The following WDR41 variants were observed in gnomAD, a reference collection of about 807,000 sequenced individuals.
WDR41 encodes the protein WD repeat domain 41.
In WDR41, 63 loss-of-function variants were observed where a neutral mutation model predicts 69.3. The observed-to-expected ratio is 0.91, with a 90% confidence interval of 0.74 to 1.12. The LOEUF is 1.12. Among genes scored for constraint, WDR41 ranks in the 50% most tolerant of loss-of-function variants. The pLI is 0.00. For missense variants in WDR41, 543 were observed against 534.5 expected (o/e 1.02, Z -0.16); for synonymous variants, 185 against 192.1 (o/e 0.96, Z 0.31).
chr5:77,432,395 T>G lies in WDR41; in HGVS notation c.*740A>C, dbSNP rs1282279319. On this transcript the variant is annotated 3_prime_UTR_variant, in exon 13 of 13. Transcript: ENST00000296679. Reference sequence around the variant, plus strand: ...TTGAGTCAGTGGTCAGATGGGGCAGTTGCGCTCAGCTGCAGTCCCTGACTC... The same window carrying G: ...TTGAGTCAGTGGTCAGATGGGGCAGGTGCGCTCAGCTGCAGTCCCTGACTC... 1 of 152,642 alleles carries G rather than the reference T, an allele frequency of 6.6e-6. No homozygotes were observed. The highest frequency in any genetic ancestry group is 1.5e-5 in the Non-Finnish European group (1 of 68,058). The allele number at this position is 152,642 out of a possible 1,614,324, so 9.5% of individuals were successfully genotyped here.
chr5:77,598,222 T>G (rs1247047848), intron 1 of WDR41, among the ~76,000 whole-genome samples: 1 of 152,314 alleles, frequency 6.6e-6, no homozygotes, highest in Middle Eastern at 3.4e-3. Flanking sequence ...GATAACAATA[T>G]CAAAAGTTGA....
chr5:77,534,860 G>A (rs1014227420), intron 1 of WDR41, among the ~76,000 whole-genome samples: 4 of 152,180 alleles, frequency 2.6e-5, no homozygotes, highest in Non-Finnish European at 5.9e-5. Context: ...AACAATAAAT[G>A]ATGTGTAGTG....
intron 1 of WDR41, among the ~76,000 whole-genome samples, chr5:77,526,103 C>T (rs1802442438): frequency 2.0e-5 from 3 of 152,114 alleles, no homozygotes; most frequent in East Asian, 3.8e-4. Context: ...TTTAACTATA[C>T]ACTAAAATAG....
At chr5:77,582,275 A>T in intron 1 of WDR41, 2 of 1,140,392 alleles carry the variant, frequency 1.8e-6, no homozygotes, top group African/African-American at 1.5e-5. Flanking sequence ...CAAATTACCA[A>T]CTCTGGCTCA....
At chr5:77,603,805 T>G (rs1035484483) in intron 1 of WDR41, among the ~76,000 whole-genome samples, 1 of 152,170 alleles carries the variant, frequency 6.6e-6, no homozygotes, top group African/African-American at 2.4e-5. Context: ...TATCCAGTTT[T>G]CTTAGTACCA....
At chr5:77,504,064 T>A (rs1802066399) in intron 1 of WDR41, among the ~76,000 whole-genome samples, 1 of 145,548 alleles carries the variant, frequency 6.9e-6, no homozygotes, top group Non-Finnish European at 1.5e-5. Flanking sequence ...CGAAAAACCC[T>A]TCAAAAAATC....
intron 12 of WDR41, among the ~76,000 whole-genome samples, chr5:77,435,919 G>T (rs897085506): frequency 6.6e-6 from 1 of 152,166 alleles, no homozygotes; most frequent in Non-Finnish European, 1.5e-5. Flanking sequence ...GGCTTTAACT[G>T]TATACACATA....
chr5:77,570,601 T>A (rs1180719903), intron 1 of WDR41, among the ~76,000 whole-genome samples: 3 of 150,688 alleles, frequency 2.0e-5, no homozygotes, highest in South Asian at 2.1e-4. Context: ...AAGCCATTTT[T>A]AAAAAAATGT....
chr5:77,618,149 T>C lies in WDR41; in HGVS notation c.42+2330A>G, dbSNP rs529290518. 5.3e-5 allele frequency among the ~76,000 whole-genome samples: 8 copies of C among 152,314 alleles called. No homozygotes were observed. In the East Asian group the frequency reaches 1.5e-3, roughly 29 times the overall value. On this transcript the variant is annotated intron_variant, in intron 1 of 5. Transcript: ENST00000509971. Reference sequence around the variant, plus strand: ...TCCAGATGTGACCCGTTCCTGAGGTTAGCATCAATCACACTTAATTCCCCT... The same window carrying C: ...TCCAGATGTGACCCGTTCCTGAGGTCAGCATCAATCACACTTAATTCCCCT...
At chr5:77,447,422 C>T (rs780168897) in intron 8 of WDR41, among the ~76,000 whole-genome samples, 1 of 152,148 alleles carries the variant, frequency 6.6e-6, no homozygotes, top group Non-Finnish European at 1.5e-5. Flanking sequence ...TTTGGGAATA[C>T]ACCCAAAGGA....
rs149242934 is a variant in WDR41, at chr5:77,454,888, T to C, written c.412-960A>G. Among the ~76,000 whole-genome samples the C allele has an allele frequency of 5.1e-4, 77 of 152,380 alleles. 1 individual carries two copies. In the East Asian group the frequency reaches 0.014, roughly 28 times the overall value. On this transcript the variant is annotated intron_variant, in intron 5 of 12. Transcript: ENST00000296679. ...CAAATAGTATTCCACTGTGTGGATA[T>C]ACATTGTGTTTATTCATCAGCTGAT... is the stretch of plus-strand genomic sequence containing the variant.
intron 1 of WDR41, among the ~76,000 whole-genome samples, chr5:77,519,952 G>A: frequency 6.6e-6 from 1 of 151,724 alleles, no homozygotes; most frequent in East Asian, 1.9e-4. Context: ...TTAAAATTTT[G>A]TATTTTTTGT....
At chr5:77,601,762 C>T (rs1744327565) in intron 1 of WDR41, among the ~76,000 whole-genome samples, 1 of 152,210 alleles carries the variant, frequency 6.6e-6, no homozygotes. Flanking sequence ...AACGTAATTC[C>T]TCCCCAGTTC....
intron 1 of WDR41, among the ~76,000 whole-genome samples, chr5:77,608,984 G>A (rs947249998): frequency 5.3e-5 from 8 of 152,304 alleles, no homozygotes; most frequent in East Asian, 1.9e-4. Flanking sequence ...CTTAAAAAAC[G>A]GCGCACCGGG....
chr5:77,441,027 C>A lies in WDR41; in HGVS notation c.698-30G>T, dbSNP rs753251720. The A allele has an allele frequency of 5.0e-5, 81 of 1,605,810 alleles. No homozygotes were observed. The Middle Eastern group carries it at 1.2e-3, about 23-fold the overall frequency. On this transcript the variant is annotated intron_variant, in intron 8 of 12. Coordinates refer to ENST00000296679, the MANE Select transcript of WDR41 (RefSeq NM_018268.4). ...GCAAAGTTCACATATGCCTCATTAT[C>A]GATCATTTTATCTATGTAAAGATAT...
At chr5:77,457,251 CACTT>C (rs1431415267) in intron 5 of WDR41, among the ~76,000 whole-genome samples, 1 of 152,062 alleles carries the variant, frequency 6.6e-6, no homozygotes, top group African/African-American at 2.4e-5. Flanking sequence ...GGATAAATCT[CACTT>C]AGTCATGGTG....
At chr5:77,493,567 T>C (rs1801889287), upstream of WDR41, among the ~76,000 whole-genome samples, 1 of 152,178 alleles carries the variant, frequency 6.6e-6, no homozygotes, top group Non-Finnish European at 1.5e-5. Flanking sequence ...TGTATTCCTT[T>C]TGAGTGCACT....
chr5:77,455,122 T>G (rs1479736374), intron 5 of WDR41, among the ~76,000 whole-genome samples: 1 of 152,216 alleles, frequency 6.6e-6, no homozygotes, highest in Non-Finnish European at 1.5e-5. Context: ...TGTATGAAGG[T>G]TACAATTGCT....
chr5:77,491,109 G>GA, intron 1 of WDR41: 1 of 373,306 alleles, frequency 2.7e-6, no homozygotes, highest in Non-Finnish European at 5.4e-6. Flanking sequence ...CAAAAGAAGT[G>GA]AAAATGCCCT....
Sources: allele counts gnomAD v4.1 joint callset (sites outside exome capture counted in the v4.1 genomes callset), GRCh38; gene constraint gnomAD v4.1.1; transcripts MANE v1.5; gene names NCBI Gene and HGNC (gene_info 2026-07-23, HGNC 2026-07-21).